Variants in RCC1L observed in about 807,000 individuals in gnomAD.
RCC1L encodes RCC1 like.
RCC1L carries 46 observed loss-of-function variants against 58.6 expected under a neutral mutation model. That is an observed-to-expected ratio of 0.79 (90% CI 0.62 to 1.00). The LOEUF (loss-of-function observed/expected upper bound fraction) is 1.00, where lower values mean the gene tolerates loss of function less well. Ranked by LOEUF, RCC1L falls within the 50% of genes least tolerant of loss-of-function variation. RCC1L has a pLI of 0.00. For missense variants in RCC1L, 636 were observed against 623.6 expected (o/e 1.02, Z -0.21); for synonymous variants, 281 against 262.9 (o/e 1.07, Z -0.67).
chr7:75,040,130 C>T (rs1805520445), downstream of RCC1L, among the ~76,000 whole-genome samples: 1 of 152,140 alleles, frequency 6.6e-6, no homozygotes, highest in Admixed American at 6.6e-5. Flanking sequence ...CGAAGGACGT[C>T]CCTGCTTCTA....
In RCC1L at chr7:75,073,741, C is replaced by A; in HGVS notation, c.-4G>T. 2 of 1,499,394 alleles carry A rather than the reference C, an allele frequency of 1.3e-6. No individual in the cohort carries two copies. Among genetic ancestry groups the A allele is most frequent in the Non-Finnish European group, 1.8e-6 (2 of 1,131,964 alleles). The allele number at this position is 1,499,394 out of a possible 1,614,324, so 92.9% of individuals were successfully genotyped here. A position where few individuals can be genotyped will look rare whatever the true frequency, so the allele number is the denominator to read the frequency against. On this transcript the variant is annotated 5_prime_UTR_variant, in exon 1 of 11. Coordinates refer to ENST00000610322, the MANE Select transcript of RCC1L (RefSeq NM_030798.5). ...CCACCAACGCCACCAGCGCCATCCT[C>A]CGTTCCGCGCCTCAGCAGCCTCTGG... is the stretch of plus-strand genomic sequence containing the variant.
chr7:75,064,604 C>A lies in RCC1L; in HGVS notation c.628G>T (p.Val210Leu). 6.2e-7 allele frequency: 1 copy of A among 1,613,896 alleles called. No homozygotes were observed. The highest frequency in any genetic ancestry group is 8.5e-7 in the Non-Finnish European group (1 of 1,179,856). Residue 210 changes from valine to leucine, a missense_variant, in exon 4 of 11, where the codon GTG becomes TTG. Physicochemically the swap from Val to Leu is conservative, Grantham distance 32. Coordinates refer to ENST00000610322, the MANE Select transcript of RCC1L (RefSeq NM_030798.5). ...CACCTGTAAATTTCATTTTCGACCA[C>A]CTTTCTTCCACATTGCCCATAAGAA... is the stretch of plus-strand genomic sequence containing the variant. Reference protein sequence around the residue: ...NNSYGQCGRKVVENEIYSESH... With the variant: ...NNSYGQCGRKLVENEIYSESH...
chr7:75,067,191 C>A (rs1196278667), intron 2 of RCC1L, among the ~76,000 whole-genome samples: 1 of 152,034 alleles, frequency 6.6e-6, no homozygotes, highest in Non-Finnish European at 1.5e-5. Flanking sequence ...ATCCCAGCTA[C>A]TCGGGAGGCT....
exon 11 of RCC1L, chr7:75,027,949 G>A: frequency 7.0e-7 from 1 of 1,423,592 alleles, no homozygotes; most frequent in Non-Finnish European, 9.6e-7. Context: ...ACCCCACTTG[G>A]AGGGGCATGT....
intron 10 of RCC1L, among the ~76,000 whole-genome samples, chr7:75,047,835 C>T (rs1442768423): frequency 3.4e-5 from 5 of 148,888 alleles, no homozygotes; most frequent in Admixed American, 6.8e-5. Flanking sequence ...TTAGTAGAGA[C>T]GGGGTTTCGC....
At position 75,032,658 on chromosome 7, in the gene RCC1L, G is replaced by A. The variant is rs967528023; in HGVS notation, c.1318-4579C>T. On this transcript the variant is annotated intron_variant, in intron 10 of 10. Transcript: ENST00000614461. ...CCCACAGGAAGAGAACCTGGAGACC[G>A]GGAGTGAAAATGGAAGCTGAATATT... 9.9e-5 allele frequency among the ~76,000 whole-genome samples: 15 copies of A among 152,200 alleles called. No homozygotes were observed. In the South Asian group the frequency reaches 2.1e-3, roughly 21 times the overall value.
chr7:75,038,591 G>A (rs1805480058), downstream of RCC1L, among the ~76,000 whole-genome samples: 1 of 151,468 alleles, frequency 6.6e-6, no homozygotes, highest in Non-Finnish European at 1.5e-5. Context: ...GGGGGCAGGA[G>A]TGCCTAGATG....
At chr7:75,053,004 C>T (rs587636259) in intron 9 of RCC1L, among the ~76,000 whole-genome samples, 78 of 149,704 alleles carry the variant, frequency 5.2e-4, no homozygotes, top group Middle Eastern at 3.4e-3. Context: ...ACGGCCAGGA[C>T]TTCTGCTGCA....
intron 3 of RCC1L, among the ~76,000 whole-genome samples, chr7:75,066,175 G>A (rs939375043): frequency 6.6e-6 from 1 of 152,182 alleles, no homozygotes; most frequent in Non-Finnish European, 1.5e-5. Flanking sequence ...AAGGTGGCCA[G>A]GTGCAGTGGC....
intron 1 of RCC1L, among the ~76,000 whole-genome samples, chr7:75,072,173 T>TAC (rs1806777600): frequency 1.1e-5 from 1 of 88,632 alleles, no homozygotes. Flanking sequence ...TATATATATA[T>TAC]ATATATATAT....
chr7:75,027,977 C>T (rs1563067153), exon 11 of RCC1L: 33 of 1,515,142 alleles, frequency 2.2e-5, no homozygotes, highest in Non-Finnish European at 2.8e-5. Context: ...AGAGGGGCTC[C>T]ATCCGCAGTT....
intron 10 of RCC1L, among the ~76,000 whole-genome samples, chr7:75,045,471 G>T (rs1387605137): frequency 6.6e-6 from 1 of 151,962 alleles, no homozygotes; most frequent in Non-Finnish European, 1.5e-5. Flanking sequence ...TGATCCCCAG[G>T]CCTGGCCTTC....
Position 75,028,078 on chromosome 7 carries a change from GC to G in RCC1L, c.1318del (p.Ala440HisfsTer38). The G allele has an allele frequency of 2.6e-6, 4 of 1,532,038 alleles. No individual in the cohort carries two copies. The highest frequency in any genetic ancestry group is 3.5e-6 in the Non-Finnish European group (4 of 1,146,014). 94.9% of individuals were successfully genotyped at this position (1,532,038 alleles called of 1,614,324 possible). On this transcript the variant is annotated frameshift_variant and splice_region_variant, in exon 11 of 11. Coordinates refer to the RCC1L transcript ENST00000614461. LOFTEE classifies it high-confidence loss of function. ...CTTGGCGCTGGCGGATGGGGCAGGT[GC>G]CTGGCGGGGGAGGAAGAGGGCTCTC...
At chr7:75,036,580 C>A (rs992487520) in intron 10 of RCC1L, among the ~76,000 whole-genome samples, 7 of 152,020 alleles carry the variant, frequency 4.6e-5, no homozygotes, top group African/African-American at 1.4e-4. Context: ...GTTTATCAAT[C>A]ATCTTCTTCA....
chr7:75,070,609 G>C (rs373580798), intron 2 of RCC1L, 31 bp downstream of exon 2: 1 of 1,609,902 alleles, frequency 6.2e-7, no homozygotes, highest in Non-Finnish European at 8.5e-7. Flanking sequence ...GACCAATCCC[G>C]GCAAAGAGGA....
At chr7:75,072,604 A>G (rs1194016128) in intron 1 of RCC1L, among the ~76,000 whole-genome samples, 6 of 152,244 alleles carry the variant, frequency 3.9e-5, no homozygotes, top group African/African-American at 7.2e-5. Flanking sequence ...ACTCTCATCA[A>G]TCCTCCCTTC....
At chr7:75,031,957 A>G (rs1417384994) in intron 10 of RCC1L, among the ~76,000 whole-genome samples, 7 of 152,206 alleles carry the variant, frequency 4.6e-5, no homozygotes, top group Admixed American at 1.3e-4. Flanking sequence ...TGTCCTCACA[A>G]TATGGCGCCC....
Position 75,027,798 on chromosome 7 carries a change from G to A in RCC1L, c.*234C>T, listed in dbSNP as rs970929847. The stretch of plus-strand genomic sequence containing the variant: ...GCTTGGTTTATCTTCTCGGCGTTCT[G>A]TGTGTAGCGTAGTCTTGGTTTGGTC... On this transcript the variant is annotated 3_prime_UTR_variant, in exon 11 of 11. Transcript: ENST00000614461. 5.6e-3 allele frequency: 3,232 copies of A among 581,436 alleles called. 91 individuals are homozygous for A. In the African/African-American group the frequency reaches 0.056, roughly 10 times the overall value. 36.0% of individuals were successfully genotyped at this position (581,436 alleles called of 1,614,324 possible).
Position 75,056,052 on chromosome 7 carries a change from C to T in RCC1L, c.1080G>A (p.Trp360Ter). The T allele has an allele frequency of 1.2e-6, 2 of 1,613,916 alleles. No individual in the cohort carries two copies. The highest frequency in any genetic ancestry group is 2.2e-5 in the South Asian group (2 of 91,076). The change falls in exon 9 of 11, where the codon TGG becomes TGA. Residue 360 changes from tryptophan (W) to a stop codon, truncating the protein, a stop_gained. Coordinates refer to ENST00000610322, the MANE Select transcript of RCC1L (RefSeq NM_030798.5). LOFTEE classifies it high-confidence loss of function. Reference sequence around the variant, plus strand: ...GACCTTTCCCAAGAATTCCATAGCCCCAGACAAAAACATGTCCTTCTCCTA... The same window carrying T: ...GACCTTTCCCAAGAATTCCATAGCCTCAGACAAAAACATGTCCTTCTCCTA... ...VLNGEGHVFV[W>*]GYGILGKGPN...
Sources: allele counts gnomAD v4.1 joint callset (sites outside exome capture counted in the v4.1 genomes callset), GRCh38; gene constraint gnomAD v4.1.1; transcripts MANE v1.5; gene names NCBI Gene and HGNC (gene_info 2026-07-23, HGNC 2026-07-21).